Variants in SUCLG2 observed in about 807,000 individuals in gnomAD.
SUCLG2 encodes the protein succinate-CoA ligase GDP-forming subunit beta.
A neutral mutation model predicts 47.9 loss-of-function variants in SUCLG2; 42 were observed. That is an observed-to-expected ratio of 0.88 (90% CI 0.69 to 1.14). The LOEUF (loss-of-function observed/expected upper bound fraction) is 1.14. Ranked by LOEUF, SUCLG2 falls within the 50% of genes most tolerant of loss-of-function variation. The pLI is 0.00. For synonymous variants in SUCLG2, 195 were observed against 197.3 expected (o/e 0.99, Z 0.10); for missense variants, 571 against 525.9 (o/e 1.09, Z -0.84).
chr3:67,428,354 AACT>A (rs1410845214), intron 9 of SUCLG2, among the ~76,000 whole-genome samples: 1 of 152,198 alleles, frequency 6.6e-6, no homozygotes, highest in Non-Finnish European at 1.5e-5. Context: ...ACCTCCAGCA[AACT>A]ACAACAGACC....
chr3:67,410,394 T>C (rs896231539), intron 9 of SUCLG2, among the ~76,000 whole-genome samples: 1 of 151,772 alleles, frequency 6.6e-6, no homozygotes, highest in African/African-American at 2.4e-5. Flanking sequence ...AAGAAAAATC[T>C]GAAGATGGAA....
At chr3:67,379,367 C>T (rs1008122203) in intron 10 of SUCLG2, among the ~76,000 whole-genome samples, 5 of 152,150 alleles carry the variant, frequency 3.3e-5, no homozygotes, top group East Asian at 1.9e-4. Context: ...GCAGGAGTGG[C>T]GCTCCTGATG....
chr3:67,542,887 TC>T (rs1706756027), intron 2 of SUCLG2, among the ~76,000 whole-genome samples: 1 of 152,118 alleles, frequency 6.6e-6, no homozygotes, highest in African/African-American at 2.4e-5. Context: ...GACTTTAACA[TC>T]CCACTGTCAA....
intron 2 of SUCLG2, among the ~76,000 whole-genome samples, chr3:67,605,441 A>T (rs1429337614): frequency 6.6e-6 from 1 of 152,200 alleles, no homozygotes; most frequent in Admixed American, 6.5e-5. Context: ...TAATGCTATA[A>T]ATTTCCCCTT....
At chr3:67,652,720 T>G (rs953940075) in intron 1 of SUCLG2, among the ~76,000 whole-genome samples, 2 of 152,196 alleles carry the variant, frequency 1.3e-5, no homozygotes, top group African/African-American at 4.8e-5. Context: ...CAGCATGGTG[T>G]AACGGAAACG....
At chr3:67,453,260 G>C (rs1410093184) in intron 9 of SUCLG2, among the ~76,000 whole-genome samples, 7 of 150,674 alleles carry the variant, frequency 4.6e-5, no homozygotes, top group Non-Finnish European at 8.9e-5. Context: ...AATTCTTATT[G>C]ATAGTCTAAA....
intron 1 of SUCLG2, among the ~76,000 whole-genome samples, chr3:67,652,679 T>A (rs1701308181): frequency 6.6e-6 from 1 of 152,222 alleles, no homozygotes; most frequent in African/African-American, 2.4e-5. Context: ...TATAATATAT[T>A]TTCATGAGGA....
intron 2 of SUCLG2, among the ~76,000 whole-genome samples, chr3:67,577,015 G>T (rs1370570565): frequency 6.6e-6 from 1 of 152,148 alleles, no homozygotes; most frequent in Non-Finnish European, 1.5e-5. Flanking sequence ...TCTAAGGAAA[G>T]AATTAAGTCC....
chr3:67,642,951 T>TGTGTGTGA lies in SUCLG2; in HGVS notation c.84+11551_84+11552insTCACACAC, dbSNP rs1553675855. ...GTGTGTGTGTGTGTGTGTGTGTGTG[T>TGTGTGTGA]GAGAGAGATGGCACCCTGCAAGGGA... On this transcript the variant is annotated intron_variant, in intron 1 of 10. Transcript: ENST00000307227. 4.3e-3 allele frequency among the ~76,000 whole-genome samples: 612 copies of TGTGTGTGA among 141,654 alleles called. 1 individual carries two copies. Among genetic ancestry groups the TGTGTGTGA allele is most frequent in the African/African-American group, 0.014 (554 of 39,960 alleles). 92.9% of individuals were successfully genotyped at this position (141,654 alleles called of 152,430 possible). A position where few individuals can be genotyped will look rare whatever the true frequency, so the allele number is the denominator to read the frequency against.
chr3:67,364,115 C>A (rs9811979), intron 10 of SUCLG2, among the ~76,000 whole-genome samples: 1 of 151,960 alleles, frequency 6.6e-6, no homozygotes, highest in African/African-American at 2.4e-5. Context: ...AGTGGGACAC[C>A]ACAGAAGCAA....
intron 6 of SUCLG2, among the ~76,000 whole-genome samples, chr3:67,514,727 A>G (rs1338831703): frequency 2.0e-5 from 3 of 152,222 alleles, no homozygotes; most frequent in Non-Finnish European, 4.4e-5. Flanking sequence ...AAGTTATTAA[A>G]TGGAAAGGAC....
chr3:67,501,813 G>A (rs910130533), intron 7 of SUCLG2, among the ~76,000 whole-genome samples: 6 of 152,082 alleles, frequency 3.9e-5, no homozygotes, highest in Non-Finnish European at 7.4e-5. Context: ...GTGGAGTACA[G>A]GGAAGCTTGT....
intron 1 of SUCLG2, among the ~76,000 whole-genome samples, chr3:67,618,793 C>T (rs916609086): frequency 3.0e-4 from 45 of 152,068 alleles, no homozygotes; most frequent in Admixed American, 2.6e-3. Flanking sequence ...ATAATAATGA[C>T]GATATGGTAC....
chr3:67,491,449 C>T (rs2107046992), intron 9 of SUCLG2, among the ~76,000 whole-genome samples: 1 of 151,170 alleles, frequency 6.6e-6, no homozygotes, highest in South Asian at 2.1e-4. Context: ...ACTGCAACCT[C>T]CGCCTCCTGC....
chr3:67,390,799 C>T (rs937422311), intron 10 of SUCLG2, among the ~76,000 whole-genome samples: 2 of 152,094 alleles, frequency 1.3e-5, no homozygotes, highest in Non-Finnish European at 2.9e-5. Flanking sequence ...TTTGGCCAAA[C>T]GCAGTAAACA....
chr3:67,438,663 T>C (rs905621691), intron 9 of SUCLG2, among the ~76,000 whole-genome samples: 9 of 152,028 alleles, frequency 5.9e-5, no homozygotes, highest in African/African-American at 2.2e-4. Context: ...CCTGGACACA[T>C]ACACCCTCCC....
chr3:67,505,417 G>A (rs1705608635), intron 7 of SUCLG2, among the ~76,000 whole-genome samples: 1 of 152,160 alleles, frequency 6.6e-6, no homozygotes, highest in Admixed American at 6.5e-5. Context: ...AAACTACATT[G>A]CAGTTAGTAG....
intron 2 of SUCLG2, among the ~76,000 whole-genome samples, chr3:67,530,117 C>A (rs1001183819): frequency 6.6e-6 from 1 of 152,176 alleles, no homozygotes; most frequent in Non-Finnish European, 1.5e-5. Flanking sequence ...CCCAGCTGAT[C>A]CCCTATAAGG....
At chr3:67,532,302 A>T (rs1176881278) in intron 2 of SUCLG2, among the ~76,000 whole-genome samples, 1 of 151,986 alleles carries the variant, frequency 6.6e-6, no homozygotes, top group East Asian at 1.9e-4. Flanking sequence ...TGCCCAGCTA[A>T]TTTTTTGTAT....
Sources: gnomAD v4.1 joint callset for allele counts (sites outside exome capture counted in the v4.1 genomes callset) on GRCh38, gnomAD v4.1.1 for gene constraint, MANE v1.5 for transcripts, NCBI Gene and HGNC (gene_info 2026-07-23, HGNC 2026-07-21) for gene names.